The following NPAS3 variants were observed in gnomAD, a reference collection of about 807,000 sequenced individuals.
NPAS3 encodes neuronal PAS domain-containing protein 3.
NPAS3 carries 14 observed loss-of-function variants against 73.1 expected under a neutral mutation model. The observed-to-expected ratio is 0.19, with a 90% CI of 0.13 to 0.30. The LOEUF (loss-of-function observed/expected upper bound fraction) is 0.30. NPAS3 is among the 10% of genes least tolerant of loss of function. The pLI is 1.00. For missense variants in NPAS3, 1,096 were observed against 1,250.0 expected (o/e 0.88, Z 1.86); for synonymous variants, 620 against 541.5 (o/e 1.14, Z -2.01).
chr14:33,588,402 C>T (rs1030163559), intron 5 of NPAS3, among the ~76,000 whole-genome samples: 1 of 152,162 alleles, frequency 6.6e-6, no homozygotes, highest in Admixed American at 6.5e-5. Flanking sequence ...TGCAGAAACT[C>T]AACTATGGAT....
intron 6 of NPAS3, among the ~76,000 whole-genome samples, chr14:33,722,711 CAGATAT>C (rs1322112291): frequency 6.6e-6 from 1 of 152,100 alleles, no homozygotes. Context: ...AGCAAAATAA[CAGATAT>C]AGATAATTAT....
intron 2 of NPAS3, among the ~76,000 whole-genome samples, chr14:33,107,199 G>A (rs1457003561): frequency 6.6e-6 from 1 of 152,138 alleles, no homozygotes; most frequent in Non-Finnish European, 1.5e-5. Context: ...CAAAGATTAA[G>A]TCTGATCTTT....
intron 2 of NPAS3, among the ~76,000 whole-genome samples, chr14:33,170,405 C>G (rs945036261): frequency 1.3e-5 from 2 of 152,166 alleles, no homozygotes; most frequent in Non-Finnish European, 2.9e-5. Context: ...TTGGTGGCTG[C>G]TGGCTGATCA....
At chr14:33,560,079 G>A (rs762506139) in intron 4 of NPAS3, 42 bp from the exon 5 acceptor site, 9 of 751,620 alleles carry the variant, frequency 1.2e-5, no homozygotes, top group African/African-American at 8.9e-5. Context: ...TGCATCCTTT[G>A]TATTTATTAA....
chr14:33,506,810 C>G (rs957865758), intron 4 of NPAS3, among the ~76,000 whole-genome samples: 1 of 152,142 alleles, frequency 6.6e-6, no homozygotes, highest in South Asian at 2.1e-4. Context: ...AGTCTCCCCC[C>G]TAATTCCCCA....
intron 3 of NPAS3, among the ~76,000 whole-genome samples, chr14:33,221,852 G>A (rs1566693078): frequency 6.6e-6 from 1 of 152,078 alleles, no homozygotes; most frequent in Non-Finnish European, 1.5e-5. Flanking sequence ...AGGGGTAAAA[G>A]TGTAATAACT....
At chr14:33,019,533 T>C (rs2039516820) in intron 1 of NPAS3, among the ~76,000 whole-genome samples, 1 of 152,170 alleles carries the variant, frequency 6.6e-6, no homozygotes, top group Admixed American at 6.5e-5. Context: ...TTGCACTGCA[T>C]GGCTTATTTT....
chr14:33,513,696 T>A (rs946515185), intron 4 of NPAS3, among the ~76,000 whole-genome samples: 1 of 152,006 alleles, frequency 6.6e-6, no homozygotes, highest in Non-Finnish European at 1.5e-5. Flanking sequence ...TATGTTCTCA[T>A]GAATGAAGAG....
chr14:33,378,974 T>C (rs1008156163), intron 4 of NPAS3, among the ~76,000 whole-genome samples: 1 of 152,204 alleles, frequency 6.6e-6, no homozygotes, highest in African/African-American at 2.4e-5. Context: ...TGAAACTTTT[T>C]GAGCACTGAC....
At chr14:33,198,977 A>G (rs2046497607) in intron 2 of NPAS3, among the ~76,000 whole-genome samples, 1 of 152,186 alleles carries the variant, frequency 6.6e-6, no homozygotes, top group African/African-American at 2.4e-5. Flanking sequence ...CTGCTGGCCC[A>G]GATGCTAAGC....
At chr14:33,120,404 T>C (rs1279318) in intron 2 of NPAS3, among the ~76,000 whole-genome samples, 74,725 of 151,980 alleles carry the variant, frequency 0.49, 18,700 homozygotes, top group Middle Eastern at 0.57. Flanking sequence ...GGGCACTACA[T>C]CTGCTATGAG....
At chr14:33,263,478 T>G (rs999370750) in intron 3 of NPAS3, among the ~76,000 whole-genome samples, 4 of 152,222 alleles carry the variant, frequency 2.6e-5, no homozygotes, top group Admixed American at 2.6e-4. Flanking sequence ...TATTGGTCTA[T>G]ATCTCTGTTT....
intron 5 of NPAS3, among the ~76,000 whole-genome samples, chr14:33,657,555 A>G (rs1201856931): frequency 8.0e-5 from 3 of 37,268 alleles, no homozygotes; most frequent in Non-Finnish European, 1.8e-4. Flanking sequence ...GAAAAAGGAC[A>G]GATGAAAATT....
intron 3 of NPAS3, among the ~76,000 whole-genome samples, chr14:33,344,814 T>C (rs2044653160): frequency 6.6e-6 from 1 of 152,186 alleles, no homozygotes; most frequent in Non-Finnish European, 1.5e-5. Context: ...CTGGAACTGC[T>C]GTAAGACCAG....
intron 4 of NPAS3, among the ~76,000 whole-genome samples, chr14:33,516,766 A>ATGATGG (rs1190018787): frequency 6.6e-6 from 1 of 152,106 alleles, no homozygotes; most frequent in African/African-American, 2.4e-5. Context: ...GGTCGTGATA[A>ATGATGG]TGATGGTGAT....
At chr14:33,714,945 C>G (rs1473119528) in intron 6 of NPAS3, among the ~76,000 whole-genome samples, 2 of 152,210 alleles carry the variant, frequency 1.3e-5, no homozygotes, top group Admixed American at 1.3e-4. Context: ...GTAAAGCTGG[C>G]AGTTATGACA....
intron 4 of NPAS3, 59 bp downstream of exon 4, chr14:33,367,327 A>G: frequency 1.3e-6 from 1 of 757,008 alleles, no homozygotes; most frequent in South Asian, 1.6e-5. Context: ...CCATATGTTT[A>G]GTCTTTTTTT....
chr14:32,992,788 G>A (rs368527521), intron 1 of NPAS3, among the ~76,000 whole-genome samples: 7 of 152,064 alleles, frequency 4.6e-5, no homozygotes, highest in African/African-American at 1.4e-4. Flanking sequence ...AAAGTTTTAC[G>A]TAACAAGAAG....
At chr14:33,784,713 A>C (rs373993449) in intron 9 of NPAS3, among the ~76,000 whole-genome samples, 1 of 107,900 alleles carries the variant, frequency 9.3e-6, no homozygotes, top group Non-Finnish European at 2.0e-5. Context: ...TTTATTTTTT[A>C]TTGTTATTTT....
Sources: allele counts gnomAD v4.1 joint callset (sites outside exome capture counted in the v4.1 genomes callset), GRCh38; gene constraint gnomAD v4.1.1; transcripts MANE v1.5; gene names NCBI Gene and HGNC (gene_info 2026-07-23, HGNC 2026-07-21).